Variants in GPR158 observed in about 807,000 individuals in gnomAD.
GPR158 encodes metabotropic glycine receptor.
A neutral mutation model predicts 78.2 loss-of-function variants in GPR158; 30 were observed. That is an observed-to-expected ratio of 0.38 (90% CI 0.29 to 0.52). GPR158 has a LOEUF of 0.52. Among genes scored for constraint, GPR158 ranks in the 20% least tolerant of loss-of-function variants. The pLI, the probability that GPR158 is intolerant of heterozygous loss-of-function variation, is 0.83. For synonymous variants in GPR158, 581 were observed against 591.1 expected, an observed-to-expected ratio of 0.98 and a Z score of 0.25; for missense variants, 1,463 against 1,523.5, an observed-to-expected ratio of 0.96 and a Z score of 0.66.
chr10:25,195,060 A>G (rs1040000826), intron 1 of GPR158, among the ~76,000 whole-genome samples: 1 of 151,998 alleles, frequency 6.6e-6, no homozygotes, highest in African/African-American at 2.4e-5. Flanking sequence ...TTTCTAGATC[A>G]CTTGCTTAAA....
intron 2 of GPR158, among the ~76,000 whole-genome samples, chr10:25,262,546 T>C (rs1454774039): frequency 1.3e-5 from 2 of 152,170 alleles, no homozygotes; most frequent in Non-Finnish European, 2.9e-5. Context: ...TTTTTTGTTT[T>C]ACAATTTTGC....
chr10:25,240,904 AGTTT>A (rs1341805635), intron 2 of GPR158, among the ~76,000 whole-genome samples: 2 of 152,166 alleles, frequency 1.3e-5, no homozygotes, highest in Non-Finnish European at 2.9e-5. Context: ...CTTTCTTAAT[AGTTT>A]ATTTACCTAT....
chr10:25,338,449 TAATA>T (rs1218006813), intron 2 of GPR158, among the ~76,000 whole-genome samples: 1 of 143,154 alleles, frequency 7.0e-6, no homozygotes, highest in Non-Finnish European at 1.5e-5. Flanking sequence ...TATATATACG[TAATA>T]TATATATTAC....
At chr10:25,466,232 T>C (rs1835420967) in intron 4 of GPR158, 1 of 158,114 alleles carries the variant, frequency 6.3e-6, no homozygotes, top group Non-Finnish European at 1.4e-5. Flanking sequence ...TGGGTCTGTG[T>C]ATTTGTCTAA....
chr10:25,563,741 G>A (rs867439487), intron 6 of GPR158, among the ~76,000 whole-genome samples: 1 of 151,956 alleles, frequency 6.6e-6, no homozygotes, highest in Admixed American at 6.6e-5. Flanking sequence ...TGTTTTTATT[G>A]TTGCAAATTA....
intron 3 of GPR158, among the ~76,000 whole-genome samples, chr10:25,403,382 C>T (rs773030780): frequency 2.6e-5 from 4 of 152,012 alleles, no homozygotes; most frequent in Non-Finnish European, 5.9e-5. Flanking sequence ...GTAAATGCTA[C>T]TGTAACCTTC....
At chr10:25,573,307 G>A (rs939736049) in intron 7 of GPR158, among the ~76,000 whole-genome samples, 6 of 152,188 alleles carry the variant, frequency 3.9e-5, no homozygotes, top group Non-Finnish European at 7.4e-5. Flanking sequence ...TATCAGACTT[G>A]ATATGTAGGG....
At chr10:25,430,812 T>G (rs7070658) in intron 4 of GPR158, among the ~76,000 whole-genome samples, 69,822 of 147,888 alleles carry the variant, frequency 0.47, 18,453 homozygotes, top group Non-Finnish European at 0.61. Context: ...TAGCCATATG[T>G]AGAAAGCTGA....
intron 2 of GPR158, among the ~76,000 whole-genome samples, chr10:25,262,535 AT>A (rs932751552): frequency 2.0e-5 from 3 of 152,210 alleles, no homozygotes; most frequent in East Asian, 3.9e-4. Flanking sequence ...ATTTCTAGGC[AT>A]TTTTTGTTTT....
rs192390359 is a variant in GPR158, at chr10:25,386,367, A to C, written c.1009-9544A>C. Among the ~76,000 whole-genome samples the C allele has an allele frequency of 6.1e-3, 923 of 152,294 alleles. 5 individuals are homozygous for C. The highest frequency in any genetic ancestry group is 9.3e-3 in the Non-Finnish European group (633 of 68,004). On this transcript the variant is annotated intron_variant, in intron 2 of 10. Coordinates refer to ENST00000376351, the MANE Select transcript of GPR158 (RefSeq NM_020752.3). ...TTTGTAGTGTGTTTTGAAATCAGAA[A>C]GTGTGATGCCTCCAACTTAGTTCTT...
chr10:25,485,478 T>A (rs1165794839), intron 5 of GPR158, among the ~76,000 whole-genome samples: 1 of 152,016 alleles, frequency 6.6e-6, no homozygotes, highest in African/African-American at 2.4e-5. Context: ...ATAGCTAAAA[T>A]CAGAAGGGGC....
chr10:25,586,149 T>C (rs977739993), intron 7 of GPR158, among the ~76,000 whole-genome samples: 3 of 152,064 alleles, frequency 2.0e-5, no homozygotes, highest in African/African-American at 7.2e-5. Context: ...TGTGAAATAA[T>C]AGTGAGCCAC....
chr10:25,410,798 G>A (rs1834573076), intron 3 of GPR158, among the ~76,000 whole-genome samples: 1 of 152,084 alleles, frequency 6.6e-6, no homozygotes, highest in Non-Finnish European at 1.5e-5. Flanking sequence ...ACAGAATGAT[G>A]ACTCTTAAAC....
chr10:25,578,491 T>G (rs1409693654), intron 7 of GPR158, among the ~76,000 whole-genome samples: 1 of 152,208 alleles, frequency 6.6e-6, no homozygotes, highest in African/African-American at 2.4e-5. Flanking sequence ...GGGGAAGGTA[T>G]TTTGGAGCAA....
chr10:25,393,367 G>T (rs1040374161), intron 2 of GPR158, among the ~76,000 whole-genome samples: 4 of 152,242 alleles, frequency 2.6e-5, no homozygotes, highest in African/African-American at 9.6e-5. Flanking sequence ...TTCTAATGTA[G>T]TCTTAGTATC....
chr10:25,371,945 G>T (rs11014516), intron 2 of GPR158, among the ~76,000 whole-genome samples: 1 of 148,510 alleles, frequency 6.7e-6, no homozygotes, highest in Non-Finnish European at 1.5e-5. Flanking sequence ...GAAAATTTTC[G>T]CAACCTACTC....
chr10:25,273,872 G>T (rs1285172772), intron 2 of GPR158, among the ~76,000 whole-genome samples: 1 of 151,728 alleles, frequency 6.6e-6, no homozygotes, highest in African/African-American at 2.4e-5. Context: ...TAGAGATAGG[G>T]TTTTGTCATG....
At chr10:25,485,283 TTAAGTGTCAAGGGCTACATAATGTCTC>T (rs1294480183) in intron 5 of GPR158, among the ~76,000 whole-genome samples, 1 of 152,034 alleles carries the variant, frequency 6.6e-6, no homozygotes, top group Non-Finnish European at 1.5e-5. Flanking sequence ...AAATCATACT[TTAAGTGTCAAGGGCTACATAATGTCTC>T]TAAAGAGTCA....
intron 2 of GPR158, among the ~76,000 whole-genome samples, chr10:25,318,312 G>T (rs911122455): frequency 6.6e-6 from 1 of 151,680 alleles, no homozygotes; most frequent in Non-Finnish European, 1.5e-5. Context: ...CATCTTTCTC[G>T]GTGAGCACTG....
Sources: gnomAD v4.1 joint callset for allele counts (sites outside exome capture counted in the v4.1 genomes callset) on GRCh38, gnomAD v4.1.1 for gene constraint, MANE v1.5 for transcripts, NCBI Gene and HGNC (gene_info 2026-07-23, HGNC 2026-07-21) for gene names.